PITPNC1: variants seen among roughly 807,000 people sequenced by gnomAD.
PITPNC1 encodes phosphatidylinositol transfer protein cytoplasmic 1.
Under a neutral mutation model 44.7 loss-of-function variants are expected in PITPNC1, and 18 were observed. The observed-to-expected ratio is 0.40, with a 90% CI of 0.28 to 0.60. The LOEUF (loss-of-function observed/expected upper bound fraction) is 0.60, where lower values mean the gene tolerates loss of function less well. Among genes scored for constraint, PITPNC1 ranks in the 20% least tolerant of loss-of-function variants. PITPNC1 has a pLI of 0.39. For synonymous variants in PITPNC1, 141 were observed against 149.6 expected, an observed-to-expected ratio of 0.94 and a Z score of 0.42; for missense variants, 290 against 418.4, an observed-to-expected ratio of 0.69 and a Z score of 2.68.
At position 67,679,706 on chromosome 17, in the gene PITPNC1, T is replaced by G. The variant is rs560410480; in HGVS notation, c.682+4164T>G. Among the ~76,000 whole-genome samples the G allele has an allele frequency of 7.2e-4, 110 of 152,326 alleles. 1 individual carries two copies. The highest frequency in any genetic ancestry group is 3.4e-3 in the Middle Eastern group (1 of 294). ...TTGTAAAGTGTAACCATTTCCATAT[T>G]GGAGGAGTTGAGTGTGTCTTTCAAA... On this transcript the variant is annotated intron_variant, in intron 8 of 8. Transcript: ENST00000581322.
At chr17:67,553,544 A>G (rs948576281) in intron 3 of PITPNC1, 66 bp from the exon 4 acceptor site, 1 of 722,720 alleles carries the variant, frequency 1.4e-6, no homozygotes, top group Non-Finnish European at 2.3e-6. Flanking sequence ...GCATATAAGC[A>G]TGATCTAAAT....
At chr17:67,504,350 T>C (rs1192964190) in intron 1 of PITPNC1, among the ~76,000 whole-genome samples, 1 of 152,214 alleles carries the variant, frequency 6.6e-6, no homozygotes, top group East Asian at 1.9e-4. Context: ...AAAAAGCTGC[T>C]CTGATCTTTC....
At position 67,437,624 on chromosome 17, in the gene PITPNC1, G is replaced by A. The variant is rs575490946; in HGVS notation, c.48+59422G>A. Among the ~76,000 whole-genome samples, 22 of 152,276 alleles carry A rather than the reference G, an allele frequency of 1.4e-4. No homozygotes were observed. The South Asian group carries it at 4.1e-3, about 29-fold the overall frequency. Reference sequence around the variant, plus strand: ...GTTTCTTAGGAATATTTGCATTGGGGTGCAGGCATGAGAGAGGCCTCATCA... The same window carrying A: ...GTTTCTTAGGAATATTTGCATTGGGATGCAGGCATGAGAGAGGCCTCATCA... On this transcript the variant is annotated intron_variant, in intron 1 of 8. Coordinates refer to ENST00000581322, the MANE Select transcript of PITPNC1 (RefSeq NM_012417.4).
At chr17:67,430,878 C>T (rs2038846385) in intron 1 of PITPNC1, among the ~76,000 whole-genome samples, 1 of 151,072 alleles carries the variant, frequency 6.6e-6, no homozygotes, top group Non-Finnish European at 1.5e-5. Flanking sequence ...CCCTTGGGCC[C>T]AGGAAGGTTG....
intron 1 of PITPNC1, among the ~76,000 whole-genome samples, chr17:67,397,094 C>A (rs1183334689): frequency 6.6e-6 from 1 of 152,168 alleles, no homozygotes; most frequent in African/African-American, 2.4e-5. Flanking sequence ...GATTCTCCTG[C>A]CTCAGCCTCC....
At chr17:67,644,274 C>T (rs965405772) in intron 6 of PITPNC1, among the ~76,000 whole-genome samples, 4 of 152,114 alleles carry the variant, frequency 2.6e-5, no homozygotes, top group African/African-American at 4.8e-5. Flanking sequence ...CTGTCTGCCA[C>T]GAGCCTTCTT....
chr17:67,516,731 G>A (rs376108581), intron 1 of PITPNC1, among the ~76,000 whole-genome samples: 2 of 152,094 alleles, frequency 1.3e-5, no homozygotes, highest in East Asian at 1.9e-4. Flanking sequence ...CGATTCTCCC[G>A]CCTCAGCCTC....
intron 1 of PITPNC1, among the ~76,000 whole-genome samples, chr17:67,410,260 T>C (rs1284417008): frequency 2.0e-5 from 3 of 152,228 alleles, no homozygotes; most frequent in African/African-American, 7.2e-5. Flanking sequence ...GAGAACGTAG[T>C]ATGCAATTAG....
At chr17:67,414,737 A>G (rs2143851869) in intron 1 of PITPNC1, among the ~76,000 whole-genome samples, 1 of 152,334 alleles carries the variant, frequency 6.6e-6, no homozygotes, top group Non-Finnish European at 1.5e-5. Context: ...ACAGATAGGA[A>G]TAATGACAAA....
At chr17:67,649,606 C>T (rs1257477588) in intron 6 of PITPNC1, among the ~76,000 whole-genome samples, 3 of 152,072 alleles carry the variant, frequency 2.0e-5, no homozygotes, top group Non-Finnish European at 2.9e-5. Flanking sequence ...GGCTATAGGC[C>T]GGGCACAGTG....
At chr17:67,412,692 G>A (rs773692354) in intron 1 of PITPNC1, among the ~76,000 whole-genome samples, 2 of 151,926 alleles carry the variant, frequency 1.3e-5, no homozygotes, top group South Asian at 2.1e-4. Context: ...TCAGCCTCCC[G>A]AGAAGCTGGG....
chr17:67,391,060 C>CGGTGTGTGTGTGTGTGT (rs1555646288), intron 1 of PITPNC1, among the ~76,000 whole-genome samples: 1 of 146,798 alleles, frequency 6.8e-6, no homozygotes, highest in African/African-American at 2.5e-5. Context: ...ACTTTTTTAG[C>CGGTGTGTGTGTGTGTGT]GTGTGTGTGT....
At chr17:67,466,443 C>T (rs1217998842) in intron 1 of PITPNC1, among the ~76,000 whole-genome samples, 1 of 152,052 alleles carries the variant, frequency 6.6e-6, no homozygotes, top group Non-Finnish European at 1.5e-5. Flanking sequence ...CAGATGGGAC[C>T]CATTAGTAGC....
intron 6 of PITPNC1, among the ~76,000 whole-genome samples, chr17:67,651,383 C>T (rs758057378): frequency 6.6e-6 from 1 of 152,056 alleles, no homozygotes; most frequent in Non-Finnish European, 1.5e-5. Flanking sequence ...TGTGCTGGCA[C>T]GTGCTTGTAA....
Position 67,425,487 on chromosome 17 carries a change from T to C in PITPNC1, c.48+47285T>C, listed in dbSNP as rs575435355. ...TCCCTTCCCCTCCCTCCCTCCCTCC[T>C]TCCTTCCTTCTCTCTCATTCGCTAT... is the stretch of plus-strand genomic sequence containing the variant. On this transcript the variant is annotated intron_variant, in intron 1 of 8. Transcript: ENST00000581322. 6.2e-5 allele frequency among the ~76,000 whole-genome samples: 8 copies of C among 128,724 alleles called. No individual in the cohort carries two copies. In the South Asian group the frequency reaches 2.4e-3, roughly 38 times the overall value. The allele number at this position is 128,724 out of a possible 152,430, so 84.4% of individuals were successfully genotyped here.
chr17:67,686,895 C>T (rs1018217423), intron 8 of PITPNC1, among the ~76,000 whole-genome samples: 1 of 152,152 alleles, frequency 6.6e-6, no homozygotes, highest in African/African-American at 2.4e-5. Flanking sequence ...TGCCCTCACT[C>T]CCCCTTTGGT....
chr17:67,686,729 C>T (rs2042823392), intron 8 of PITPNC1, among the ~76,000 whole-genome samples: 1 of 152,102 alleles, frequency 6.6e-6, no homozygotes, highest in South Asian at 2.1e-4. Flanking sequence ...ACCCTCTGTC[C>T]CCAATGGGAT....
intron 1 of PITPNC1, among the ~76,000 whole-genome samples, chr17:67,463,431 C>A (rs1421450069): frequency 1.3e-5 from 2 of 152,068 alleles, no homozygotes; most frequent in Non-Finnish European, 2.9e-5. Context: ...CCAATTCTTA[C>A]AAGTGAAACA....
intron 1 of PITPNC1, among the ~76,000 whole-genome samples, chr17:67,494,262 G>A (rs1051349290): frequency 4.4e-5 from 6 of 135,314 alleles, no homozygotes; most frequent in East Asian, 2.2e-4. Flanking sequence ...GTGCAGTGGC[G>A]CAATCTTGAC....
Sources: allele counts gnomAD v4.1 joint callset (sites outside exome capture counted in the v4.1 genomes callset), GRCh38; gene constraint gnomAD v4.1.1; transcripts MANE v1.5; gene names NCBI Gene and HGNC (gene_info 2026-07-23, HGNC 2026-07-21).